Variants in FAM13A observed in about 807,000 individuals in gnomAD.
FAM13A encodes protein FAM13A.
Under a neutral mutation model 129.6 loss-of-function variants are expected in FAM13A, and 76 were observed. That is an observed-to-expected ratio of 0.59 (90% CI 0.49 to 0.71). The LOEUF is 0.71. Among genes scored for constraint, FAM13A ranks in the 30% least tolerant of loss-of-function variants. The pLI is 0.00. For synonymous variants in FAM13A, 443 were observed against 449.9 expected, an observed-to-expected ratio of 0.98 and a Z score of 0.20; for missense variants, 1,108 against 1,249.3, an observed-to-expected ratio of 0.89 and a Z score of 1.70.
In FAM13A at chr4:89,040,607, A is replaced by G. The variant is rs1241487235; in HGVS notation, c.28-10958T>C. Among the ~76,000 whole-genome samples, 4 of 152,324 alleles carry G rather than the reference A, an allele frequency of 2.6e-5. No individual in the cohort carries two copies. The East Asian group carries it at 7.7e-4, about 29-fold the overall frequency. ...CTGAAATTAGGGAACTTGAGTTTGA[A>G]TCTTGGTTTTGCCATTGACTGGTAT... is the stretch of plus-strand genomic sequence containing the variant. On this transcript the variant is annotated intron_variant, in intron 1 of 23. Transcript: ENST00000264344.
chr4:88,958,352 CT>C (rs1275826109), intron 4 of FAM13A, among the ~76,000 whole-genome samples: 2 of 152,212 alleles, frequency 1.3e-5, no homozygotes, highest in African/African-American at 4.8e-5. Context: ...CCAGCTCCAG[CT>C]CCACCCCTGG....
chr4:89,013,426 T>C (rs1237002135), intron 3 of FAM13A, among the ~76,000 whole-genome samples: 2 of 152,106 alleles, frequency 1.3e-5, no homozygotes, highest in African/African-American at 4.8e-5. Flanking sequence ...AGAGGCTATA[T>C]TGTCTGATGC....
intron 5 of FAM13A, among the ~76,000 whole-genome samples, chr4:88,926,092 A>C (rs1000857717): frequency 6.6e-6 from 1 of 152,148 alleles, no homozygotes; most frequent in African/African-American, 2.4e-5. Context: ...AAGCTCCCAC[A>C]GTGGTTCTGA....
rs370049055 is a variant in FAM13A at position 88,746,916 on chromosome 4, T to G, written c.2466+16A>C. The G allele has an allele frequency of 1.9e-6, 3 of 1,575,288 alleles. No individual in the cohort carries two copies. The highest frequency in any genetic ancestry group is 2.7e-5 in the African/African-American group (2 of 74,108). On this transcript the variant is annotated intron_variant, in intron 19 of 23. Coordinates refer to ENST00000264344, the MANE Select transcript of FAM13A (RefSeq NM_014883.4). ...AGATAATTGACCCCAATCAGAAAAT[T>G]TACTACATCACATACCGGCCGTCCA... is the stretch of plus-strand genomic sequence containing the variant.
chr4:89,001,725 G>A (rs1448287003), intron 3 of FAM13A, among the ~76,000 whole-genome samples: 1 of 152,108 alleles, frequency 6.6e-6, no homozygotes, highest in African/African-American at 2.4e-5. Flanking sequence ...ACACAATACA[G>A]ATGGCATCAA....
intron 1 of FAM13A, among the ~76,000 whole-genome samples, chr4:89,031,990 T>C (rs1448972497): frequency 1.3e-5 from 2 of 151,990 alleles, no homozygotes; most frequent in African/African-American, 2.4e-5. Flanking sequence ...GAGGCCGAGG[T>C]GGGCGGATCA....
At chr4:88,750,990 C>CCT (rs1457011838) in intron 14 of FAM13A, among the ~76,000 whole-genome samples, 1 of 152,216 alleles carries the variant, frequency 6.6e-6, no homozygotes, top group Non-Finnish European at 1.5e-5. Context: ...GCCTGTAATC[C>CCT]CAGCACTTTG....
intron 5 of FAM13A, among the ~76,000 whole-genome samples, chr4:88,927,202 T>C (rs1752340519): frequency 7.4e-6 from 1 of 135,528 alleles, no homozygotes; most frequent in Non-Finnish European, 1.7e-5. Context: ...CCTATGTATA[T>C]TTTTTTTTTT....
At chr4:88,940,518 T>C (rs554273113) in intron 4 of FAM13A, among the ~76,000 whole-genome samples, 13 of 152,292 alleles carry the variant, frequency 8.5e-5, no homozygotes, top group African/African-American at 2.9e-4. Context: ...GGAGAACTTA[T>C]ACAAAAATGA....
rs56710705 is a variant in FAM13A, at chr4:89,025,245, G to GTTTTTTTTTTTTTTTTT, written c.217+4198_217+4214dup. 1.1e-4 allele frequency among the ~76,000 whole-genome samples: 7 copies of GTTTTTTTTTTTTTTTTT among 61,372 alleles called. 3 individuals carry two copies. Among genetic ancestry groups the GTTTTTTTTTTTTTTTTT allele is most frequent in the Non-Finnish European group, 1.6e-4 (5 of 30,804 alleles). The allele number at this position is 61,372 out of a possible 152,430, so 40.3% of individuals were successfully genotyped here. A position where few individuals can be genotyped will look rare whatever the true frequency, so the allele number is the denominator to read the frequency against. The stretch of plus-strand genomic sequence containing the variant: ...GCTAAAGGTTAACCATGGAATCATT[G>GTTTTTTTTTTTTTTTTT]TTTTTTTTTTTTTTTTTTTTTTTTT... On this transcript the variant is annotated intron_variant, in intron 2 of 23. Transcript: ENST00000264344.
chr4:88,742,099 C>T (rs1740393636), intron 19 of FAM13A, among the ~76,000 whole-genome samples: 1 of 152,222 alleles, frequency 6.6e-6, no homozygotes, highest in East Asian at 1.9e-4. Context: ...CAAAGACATA[C>T]TAAAAGTAGA....
At chr4:88,843,623 GGTTACA>G (rs1226976827) in intron 7 of FAM13A, among the ~76,000 whole-genome samples, 4 of 152,188 alleles carry the variant, frequency 2.6e-5, no homozygotes, top group African/African-American at 7.2e-5. Flanking sequence ...GAAGGGCAAT[GGTTACA>G]GTTAATGTTG....
At chr4:88,970,975 G>A (rs974810631) in intron 4 of FAM13A, among the ~76,000 whole-genome samples, 4 of 152,196 alleles carry the variant, frequency 2.6e-5, no homozygotes, top group South Asian at 4.1e-4. Flanking sequence ...TCGGGAGGCC[G>A]AGGCGGGTGG....
At chr4:88,826,145 G>A (rs367608875) in intron 7 of FAM13A, among the ~76,000 whole-genome samples, 1 of 151,804 alleles carries the variant, frequency 6.6e-6, no homozygotes, top group East Asian at 1.9e-4. Flanking sequence ...GCATTTCCCT[G>A]GCTACATTTC....
chr4:89,000,737 T>C (rs944015190), intron 3 of FAM13A, among the ~76,000 whole-genome samples: 6 of 152,114 alleles, frequency 3.9e-5, no homozygotes, highest in African/African-American at 1.4e-4. Flanking sequence ...AAATCAAGCA[T>C]GGGAAAAAAT....
intron 4 of FAM13A, among the ~76,000 whole-genome samples, chr4:88,973,593 T>G (rs1168227277): frequency 6.6e-6 from 1 of 152,244 alleles, no homozygotes; most frequent in Non-Finnish European, 1.5e-5. Flanking sequence ...TCCTATTGTT[T>G]TAAATCATAG....
At chr4:88,939,751 G>T (rs1164090046) in intron 4 of FAM13A, among the ~76,000 whole-genome samples, 1 of 152,154 alleles carries the variant, frequency 6.6e-6, no homozygotes, top group East Asian at 1.9e-4. Flanking sequence ...CGGCCTTAAA[G>T]ATATAAGCAG....
chr4:88,812,490 C>G (rs1036338997), intron 7 of FAM13A, among the ~76,000 whole-genome samples: 17 of 152,160 alleles, frequency 1.1e-4, no homozygotes, highest in Admixed American at 9.8e-4. Context: ...AACCTCATTG[C>G]ACTTTTGCAA....
chr4:88,892,281 A>C (rs911325468), intron 6 of FAM13A, among the ~76,000 whole-genome samples: 1 of 146,896 alleles, frequency 6.8e-6, no homozygotes, highest in East Asian at 2.0e-4. Flanking sequence ...CCGGGTTCAC[A>C]CCATTCTACT....
Sources: gnomAD v4.1 joint callset for allele counts (sites outside exome capture counted in the v4.1 genomes callset) on GRCh38, gnomAD v4.1.1 for gene constraint, MANE v1.5 for transcripts, NCBI Gene and HGNC (gene_info 2026-07-23, HGNC 2026-07-21) for gene names.